The following PDS5A variants were observed in gnomAD, a reference collection of about 807,000 sequenced individuals.
PDS5A encodes the protein sister chromatid cohesion protein PDS5 homolog A.
A neutral mutation model predicts 167.1 loss-of-function variants in PDS5A; 42 were observed. That is an observed-to-expected ratio of 0.25 (90% CI 0.20 to 0.33). The LOEUF (loss-of-function observed/expected upper bound fraction) is 0.33, where lower values mean the gene tolerates loss of function less well. PDS5A is among the 10% of genes least tolerant of loss of function. PDS5A has a pLI of 1.00. For synonymous variants in PDS5A, 553 were observed against 554.6 expected (o/e 1.00, Z 0.04); for missense variants, 1,033 against 1,605.9 (o/e 0.64, Z 6.10).
intron 30 of PDS5A, among the ~76,000 whole-genome samples, chr4:39,842,938 T>TATA (rs1349599395): frequency 1.1e-4 from 15 of 133,052 alleles, no homozygotes; most frequent in East Asian, 4.4e-4. Context: ...TATATATATA[T>TATA]TTTAAGAGAC....
At chr4:39,931,263 A>C (rs1458046103) in intron 2 of PDS5A, among the ~76,000 whole-genome samples, 2 of 150,846 alleles carry the variant, frequency 1.3e-5, no homozygotes, top group Non-Finnish European at 3.0e-5. Flanking sequence ...TAGGTTTTGT[A>C]CTTTTTTTTT....
intron 22 of PDS5A, 73 bp from the exon 23 acceptor site, chr4:39,867,070 G>C (rs1017802252): frequency 1.5e-5 from 17 of 1,145,322 alleles, no homozygotes; most frequent in Non-Finnish European, 1.7e-5. Context: ...AATTTAATTA[G>C]ATTAATGAGA....
At chr4:39,954,530 A>C (rs1241863528) in intron 2 of PDS5A, among the ~76,000 whole-genome samples, 2 of 152,036 alleles carry the variant, frequency 1.3e-5, no homozygotes, top group African/African-American at 2.4e-5. Context: ...CATGATGGCC[A>C]GGCTGGTCTT....
In PDS5A at chr4:39,862,820, G is replaced by A; in HGVS notation, c.2971+49C>T. On this transcript the variant is annotated intron_variant, in intron 25 of 32. Transcript: ENST00000303538. ...ACAAGAAAAAAAAAACCTAAAAATG[G>A]ATACATTGACAAAATATATTTGCAC... 4 of 1,190,922 alleles carry A rather than the reference G, an allele frequency of 3.4e-6. No individual in the cohort carries two copies. The South Asian group carries it at 3.9e-5, about 11-fold the overall frequency. The allele number at this position is 1,190,922 out of a possible 1,614,324, so 73.8% of individuals were successfully genotyped here.
chr4:39,903,987 T>C (rs1723094424), intron 12 of PDS5A, 53 bp downstream of exon 12: 3 of 1,042,820 alleles, frequency 2.9e-6, no homozygotes, highest in Admixed American at 6.1e-5. Context: ...TAGACATTTT[T>C]TAAGTAAAAA....
At chr4:39,949,821 G>GAAAAAAAAAAA (rs59869303) in intron 2 of PDS5A, among the ~76,000 whole-genome samples, 14 of 67,198 alleles carry the variant, frequency 2.1e-4, no homozygotes, top group East Asian at 5.2e-4. Context: ...CTCTGTCTCA[G>GAAAAAAAAAAA]AAAAAAAAAA....
intron 7 of PDS5A, among the ~76,000 whole-genome samples, chr4:39,917,801 C>T (rs1428729187): frequency 1.3e-5 from 2 of 152,128 alleles, no homozygotes; most frequent in East Asian, 1.9e-4. Flanking sequence ...TCTCGAACTC[C>T]GTACCTCAGG....
rs878883249 is a variant in PDS5A, at chr4:39,926,531, AG to A, written c.429+243del. Among the ~76,000 whole-genome samples the A allele has an allele frequency of 4.4e-4, 66 of 150,868 alleles. 2 individuals are homozygous for A. The East Asian group carries it at 8.0e-3, about 18-fold the overall frequency. On this transcript the variant is annotated intron_variant, in intron 4 of 32. Coordinates refer to ENST00000303538, the MANE Select transcript of PDS5A (RefSeq NM_001100399.2). ...GAAACTACGTCTCAAAAAAAAAAAA[AG>A]AAAGAAATAGATACAAACAAAAGAT...
chr4:39,943,123 TACACACACACAC>T (rs35361618), intron 2 of PDS5A, among the ~76,000 whole-genome samples: 21,268 of 144,722 alleles, frequency 0.15, 1,567 homozygotes, highest in South Asian at 0.23. Flanking sequence ...ACTATGCAAA[TACACACACACAC>T]ACACACACAC....
At position 39,977,536 on chromosome 4, in the gene PDS5A, G is replaced by A. The variant is rs1173112107; in HGVS notation, c.-120C>T. The A allele has an allele frequency of 2.5e-5, 4 of 161,364 alleles. No individual in the cohort carries two copies. Among genetic ancestry groups the A allele is most frequent in the Non-Finnish European group, 3.9e-5 (3 of 75,980 alleles). 10.0% of individuals were successfully genotyped at this position (161,364 alleles called of 1,614,324 possible). A position where few individuals can be genotyped will look rare whatever the true frequency, so the allele number is the denominator to read the frequency against. On this transcript the variant is annotated 5_prime_UTR_variant, in exon 1 of 33. Coordinates refer to ENST00000303538, the MANE Select transcript of PDS5A (RefSeq NM_001100399.2). This position sits in a 1 kb window ranked among gnomAD's most constrained non-coding sequence, Gnocchi z 4.2. Reference sequence around the variant, plus strand: ...TTGCGCCGCCGCCCCTAGTCGGGCTGCACACAAAGCGGCTCCGCGGGTCCC... The same window carrying A: ...TTGCGCCGCCGCCCCTAGTCGGGCTACACACAAAGCGGCTCCGCGGGTCCC...
At chr4:39,851,906 T>C (rs574343184) in intron 26 of PDS5A, among the ~76,000 whole-genome samples, 20 of 152,332 alleles carry the variant, frequency 1.3e-4, no homozygotes, top group African/African-American at 4.6e-4. Context: ...GGGTCAGGAT[T>C]ACTCTCAGTT....
rs775785996 is a variant in PDS5A at position 39,863,376 on chromosome 4, A to G, written c.2726T>C (p.Ile909Thr). 1 of 1,610,426 alleles carries G rather than the reference A, an allele frequency of 6.2e-7. No homozygotes were observed. The highest frequency in any genetic ancestry group is 1.3e-5 in the African/African-American group (1 of 74,968). Residue 909 changes from isoleucine (I) to threonine (T), a missense_variant, in exon 24 of 33, where the codon ATT becomes ACT. By Grantham distance (89) the Ile-to-Thr change is moderately conservative. Around this residue, in one of 4 missense-constraint regions of PDS5A, gnomAD observed 367 missense variants for 686.7 expected, o/e 0.53. Coordinates refer to ENST00000303538, the MANE Select transcript of PDS5A (RefSeq NM_001100399.2). ...LAQEPCYHEI[I>T]TPEQFQLCAL... Reference sequence around the variant, plus strand: ...ACAGAGCTGAAACTGTTCTGGGGTAATAATTTCATGGTAACAAGGTTCCTG... The same window carrying G: ...ACAGAGCTGAAACTGTTCTGGGGTAGTAATTTCATGGTAACAAGGTTCCTG...
chr4:39,849,972 C>T (rs932771979), intron 26 of PDS5A, among the ~76,000 whole-genome samples: 1 of 152,002 alleles, frequency 6.6e-6, no homozygotes, highest in Non-Finnish European at 1.5e-5. Flanking sequence ...GGGTAGATTG[C>T]CTGAACCCAG....
At position 39,836,506 on chromosome 4, in the gene PDS5A, C is replaced by T. The variant is rs557818984; in HGVS notation, c.4010+1350G>A. On this transcript the variant is annotated intron_variant, in intron 32 of 32. Transcript: ENST00000303538. ...CTGGAGTGCAATGGCGCAATCTCTG[C>T]TCACTGCAACCTCTGCCTCCTGGGC... is the stretch of plus-strand genomic sequence containing the variant. Among the ~76,000 whole-genome samples the T allele has an allele frequency of 2.4e-4, 37 of 152,190 alleles. 1 individual carries two copies. The South Asian group carries it at 7.7e-3, about 32-fold the overall frequency.
chr4:39,948,613 AC>A (rs769013571), intron 2 of PDS5A, among the ~76,000 whole-genome samples: 1 of 130,954 alleles, frequency 7.6e-6, no homozygotes, highest in Non-Finnish European at 1.6e-5. Flanking sequence ...GTGAGCTACC[AC>A]GCCTGGATTT....
At chr4:39,963,918 T>G (rs572671938) in intron 2 of PDS5A, among the ~76,000 whole-genome samples, 1 of 151,786 alleles carries the variant, frequency 6.6e-6, no homozygotes. Flanking sequence ...TAGCTTTTTT[T>G]TCCCCCCCAG....
intron 30 of PDS5A, among the ~76,000 whole-genome samples, chr4:39,844,447 C>G (rs1378047226): frequency 6.8e-6 from 1 of 146,664 alleles, no homozygotes; most frequent in Non-Finnish European, 1.5e-5. Flanking sequence ...TGCACTCTAG[C>G]CTGGGCGGGG....
intron 2 of PDS5A, among the ~76,000 whole-genome samples, chr4:39,953,061 C>T (rs891581900): frequency 6.6e-6 from 1 of 152,086 alleles, no homozygotes; most frequent in Non-Finnish European, 1.5e-5. Flanking sequence ...AATCAGAGTG[C>T]CCCCTCTCAT....
intron 2 of PDS5A, among the ~76,000 whole-genome samples, chr4:39,969,405 C>T (rs910401404): frequency 2.4e-4 from 36 of 152,262 alleles, no homozygotes; most frequent in African/African-American, 8.4e-4. Context: ...GAGTGGCTCA[C>T]GCCCTAATCC....
Sources: allele counts gnomAD v4.1 joint callset (sites outside exome capture counted in the v4.1 genomes callset), GRCh38; gene constraint gnomAD v4.1.1; regional missense constraint gnomAD v4.1.1; non-coding constraint Gnocchi (gnomAD v3.1); transcripts MANE v1.5; gene names NCBI Gene and HGNC (gene_info 2026-07-23, HGNC 2026-07-21).